Variants in MAGI1 observed in about 807,000 individuals in gnomAD.
MAGI1 encodes membrane associated guanylate kinase, WW and PDZ domain containing 1, also known as membrane-associated guanylate kinase, WW and PDZ domain-containing protein 1.
A neutral mutation model predicts 139.9 loss-of-function variants in MAGI1; 58 were observed. The ratio of observed to expected loss-of-function variants is 0.41; its 90% CI spans 0.34 to 0.52. The LOEUF is 0.52. Ranked by LOEUF, MAGI1 falls within the 20% of genes least tolerant of loss-of-function variation. The probability of loss-of-function intolerance (pLI) is 0.12; values close to 1 mark genes in which losing one functional copy is unlikely to be tolerated. For missense variants in MAGI1, 1,874 were observed against 1,901.6 expected (o/e 0.99, Z 0.27); for synonymous variants, 812 against 737.9 (o/e 1.10, Z -1.63).
intron 2 of MAGI1, among the ~76,000 whole-genome samples, chr3:65,621,046 A>T (rs2107052548): frequency 6.6e-6 from 1 of 152,306 alleles, no homozygotes; most frequent in South Asian, 2.1e-4. Flanking sequence ...CATTTATAGC[A>T]AACAAATCAT....
intron 1 of MAGI1, 103 bp downstream of exon 1, chr3:66,037,891 CTT>C (rs1327101255): frequency 6.7e-7 from 1 of 1,502,276 alleles, no homozygotes; most frequent in Non-Finnish European, 8.9e-7. Flanking sequence ...CTCAACTTCT[CTT>C]CACTGCGCTC....
chr3:65,844,292 G>GT, intron 1 of MAGI1: 2 of 359,894 alleles, frequency 5.6e-6, no homozygotes, highest in South Asian at 4.6e-5. Flanking sequence ...AGCTCACACG[G>GT]TCAGATTAAC....
At chr3:65,834,458 T>C (rs967123901) in intron 1 of MAGI1, among the ~76,000 whole-genome samples, 2 of 152,244 alleles carry the variant, frequency 1.3e-5, no homozygotes, top group African/African-American at 4.8e-5. Flanking sequence ...CTCTGTATGA[T>C]TTCAGTTCTT....
At chr3:65,932,022 C>G (rs895022456) in intron 1 of MAGI1, among the ~76,000 whole-genome samples, 1 of 152,126 alleles carries the variant, frequency 6.6e-6, no homozygotes, top group Non-Finnish European at 1.5e-5. Context: ...GATAAATCAA[C>G]AGATTGAAAA....
chr3:65,486,853 C>T (rs534881854), intron 3 of MAGI1, among the ~76,000 whole-genome samples: 1 of 152,250 alleles, frequency 6.6e-6, no homozygotes, highest in South Asian at 2.1e-4. Context: ...GGCAAACCTA[C>T]CCCAATTATA....
At chr3:65,839,888 A>G (rs78203112) in intron 1 of MAGI1, among the ~76,000 whole-genome samples, 10,019 of 152,310 alleles carry the variant, frequency 0.066, 496 homozygotes, top group South Asian at 0.23. Context: ...TGAGTCTTCA[A>G]TATATGCAAT....
intron 12 of MAGI1, among the ~76,000 whole-genome samples, chr3:65,403,202 C>A (rs930380238): frequency 6.6e-6 from 1 of 152,096 alleles, no homozygotes; most frequent in Admixed American, 6.5e-5. Flanking sequence ...TGTTTAAAAG[C>A]CTCCTACCTG....
At chr3:66,009,356 A>T (rs1385613799) in intron 1 of MAGI1, among the ~76,000 whole-genome samples, 2 of 152,088 alleles carry the variant, frequency 1.3e-5, no homozygotes, top group Non-Finnish European at 2.9e-5. Context: ...CTAAAAATAC[A>T]AAAATTAGCC....
In MAGI1 at chr3:65,725,206, T is replaced by C. The variant is rs115691038; in HGVS notation, c.314-103118A>G. Among the ~76,000 whole-genome samples the C allele has an allele frequency of 2.4e-3, 365 of 152,244 alleles. 1 individual carries two copies. Among genetic ancestry groups the C allele is most frequent in the African/African-American group, 7.4e-3 (306 of 41,560 alleles). On this transcript the variant is annotated intron_variant, in intron 1 of 22. Coordinates refer to ENST00000402939, the MANE Select transcript of MAGI1 (RefSeq NM_001033057.2). ...ATTCAATTGAAGTAGGACAGTACAA[T>C]GGTTAAGTGCATGGACTCTGGAACA...
intron 1 of MAGI1, among the ~76,000 whole-genome samples, chr3:66,021,094 T>C (rs2067934909): frequency 6.6e-6 from 1 of 152,160 alleles, no homozygotes. Context: ...TCCTCACTAT[T>C]TGTGGAGGCA....
chr3:65,968,183 C>G (rs75234222), intron 1 of MAGI1, among the ~76,000 whole-genome samples: 2,558 of 152,272 alleles, frequency 0.017, 35 homozygotes, highest in Middle Eastern at 0.037. Context: ...AATGATGCAT[C>G]TTTTTGAAAG....
intron 1 of MAGI1, among the ~76,000 whole-genome samples, chr3:65,700,508 G>A (rs559934807): frequency 6.6e-5 from 10 of 152,108 alleles, no homozygotes; most frequent in East Asian, 1.9e-4. Flanking sequence ...TCTACCATTT[G>A]ACCAAATTAT....
intron 2 of MAGI1, among the ~76,000 whole-genome samples, chr3:65,609,516 C>A (rs2082928736): frequency 6.6e-6 from 1 of 151,944 alleles, no homozygotes; most frequent in Non-Finnish European, 1.5e-5. Context: ...CGACCTCAAG[C>A]AATCCACCTG....
intron 1 of MAGI1, among the ~76,000 whole-genome samples, chr3:65,792,515 T>G (rs1482842058): frequency 2.6e-5 from 4 of 152,050 alleles, no homozygotes; most frequent in African/African-American, 9.7e-5. Context: ...AGTTTTTTAT[T>G]AAAACTAATA....
At chr3:65,710,000 G>T (rs1338922457) in intron 1 of MAGI1, among the ~76,000 whole-genome samples, 1 of 152,152 alleles carries the variant, frequency 6.6e-6, no homozygotes, top group East Asian at 1.9e-4. Flanking sequence ...CTGACTTGGT[G>T]AGCAAATAGT....
chr3:65,371,779 A>G (rs1213451989), intron 18 of MAGI1: 3 of 233,378 alleles, frequency 1.3e-5, no homozygotes, highest in South Asian at 8.9e-5. Flanking sequence ...AGTAGATTCC[A>G]TCTCAAGAAA....
chr3:65,960,374 T>A (rs1295233702), intron 1 of MAGI1, among the ~76,000 whole-genome samples: 1 of 152,176 alleles, frequency 6.6e-6, no homozygotes, highest in South Asian at 2.1e-4. Flanking sequence ...CTGAACCTCA[T>A]ACAACCAAAT....
intron 8 of MAGI1, among the ~76,000 whole-genome samples, chr3:65,442,416 C>T (rs9831437): frequency 0.014 from 2,107 of 152,182 alleles, 46 homozygotes; most frequent in African/African-American, 0.048. Flanking sequence ...AAAAAGTAGA[C>T]GAATCAGATA....
intron 1 of MAGI1, among the ~76,000 whole-genome samples, chr3:65,798,252 C>T (rs575509915): frequency 5.9e-5 from 9 of 151,754 alleles, no homozygotes; most frequent in African/African-American, 1.9e-4. Flanking sequence ...TGCCGTGAGC[C>T]GAGATCACAC....
Sources: gnomAD v4.1 joint callset for allele counts (sites outside exome capture counted in the v4.1 genomes callset) on GRCh38, gnomAD v4.1.1 for gene constraint, MANE v1.5 for transcripts, NCBI Gene and HGNC (gene_info 2026-07-23, HGNC 2026-07-21) for gene names.